SLCO3A1: variants seen among roughly 807,000 people sequenced by gnomAD.
SLCO3A1 encodes solute carrier organic anion transporter family member 3A1.
Under a neutral mutation model 63.1 loss-of-function variants are expected in SLCO3A1, and 27 were observed. The ratio of observed to expected loss-of-function variants is 0.43; its 90% CI spans 0.32 to 0.59. The LOEUF is 0.59. SLCO3A1 is among the 20% of genes least tolerant of loss of function. The pLI is 0.09. For missense variants in SLCO3A1, 773 were observed against 945.8 expected, an observed-to-expected ratio of 0.82 and a Z score of 2.40; for synonymous variants, 473 against 409.9, an observed-to-expected ratio of 1.15 and a Z score of -1.86.
Position 91,872,741 on chromosome 15 carries a change from C to T in SLCO3A1, c.180+18653C>T, listed in dbSNP as rs1384233678. On this transcript the variant is annotated intron_variant, in intron 1 of 9. Coordinates refer to ENST00000318445, the MANE Select transcript of SLCO3A1 (RefSeq NM_013272.4). The surrounding 1 kb of genome is among the most constrained non-coding windows in gnomAD (Gnocchi z 4.1). ...TAACATGTTACCACCTGTGAGAGAACACTGTTCTCACTCTCTCTTTTAAAC... is the reference window on the plus strand; with the variant it reads ...TAACATGTTACCACCTGTGAGAGAATACTGTTCTCACTCTCTCTTTTAAAC... Among the ~76,000 whole-genome samples, 1 of 152,166 alleles carries T rather than the reference C, an allele frequency of 6.6e-6. No individual in the cohort carries two copies. Among genetic ancestry groups the T allele is most frequent in the Non-Finnish European group, 1.5e-5 (1 of 68,044 alleles).
chr15:92,116,696 G>A (rs1158714636), intron 4 of SLCO3A1, among the ~76,000 whole-genome samples: 2 of 152,336 alleles, frequency 1.3e-5, no homozygotes, highest in East Asian at 3.9e-4. Context: ...CACAGGGTTG[G>A]CCCTAGGAGC....
chr15:92,106,852 C>T (rs574422979), intron 4 of SLCO3A1, among the ~76,000 whole-genome samples: 100 of 152,266 alleles, frequency 6.6e-4, no homozygotes, highest in African/African-American at 2.0e-3. Context: ...AAAGGGTCAG[C>T]GGCAGAGCTG....
At chr15:91,926,584 T>TGTGTGTGTGC (rs1899024309) in intron 2 of SLCO3A1, among the ~76,000 whole-genome samples, 1 of 103,508 alleles carries the variant, frequency 9.7e-6, no homozygotes, top group African/African-American at 4.2e-5. Flanking sequence ...TGTGTGTGTG[T>TGTGTGTGTGC]GTGTGTGTGT....
intron 2 of SLCO3A1, among the ~76,000 whole-genome samples, chr15:92,067,910 G>A (rs866649273): frequency 6.6e-5 from 10 of 152,118 alleles, no homozygotes; most frequent in Admixed American, 5.9e-4. Context: ...ATTCATAGAC[G>A]GCCACCTTCT....
intron 1 of SLCO3A1, among the ~76,000 whole-genome samples, chr15:91,902,739 C>T (rs4294799): frequency 0.044 from 6,706 of 152,040 alleles, 515 homozygotes; most frequent in African/African-American, 0.15. Context: ...CCATTCTAGC[C>T]CCACTGCCTT....
chr15:91,966,824 A>G (rs927465796), intron 2 of SLCO3A1, among the ~76,000 whole-genome samples: 4 of 152,218 alleles, frequency 2.6e-5, no homozygotes, highest in Admixed American at 2.6e-4. Flanking sequence ...GGTGATTTCA[A>G]CTTGAAGCAG....
chr15:92,164,223 C>G lies in SLCO3A1; in HGVS notation c.*1088C>G, dbSNP rs1160915674. 4 of 984,564 alleles carry G rather than the reference C, an allele frequency of 4.1e-6. No individual in the cohort carries two copies. In the African/African-American group the frequency reaches 7.0e-5, roughly 17 times the overall value. 61.0% of individuals were successfully genotyped at this position (984,564 alleles called of 1,614,324 possible). On this transcript the variant is annotated 3_prime_UTR_variant, in exon 10 of 10. Transcript: ENST00000318445. The stretch of plus-strand genomic sequence containing the variant: ...TTTAATGCACCAAAAATATGTGATA[C>G]AAGGGATGCAATTAACCTATTGTAA...
At chr15:92,028,908 A>AGTGTGGGTGTGTGTGTGTGTGTGTGT (rs2046610071) in intron 2 of SLCO3A1, among the ~76,000 whole-genome samples, 1 of 120,072 alleles carries the variant, frequency 8.3e-6, no homozygotes, top group Admixed American at 8.6e-5. Context: ...TGCAGGCACA[A>AGTGTGGGTGTGTGTGTGTGTGTGTGT]GTGTGTGTGT....
intron 2 of SLCO3A1, among the ~76,000 whole-genome samples, chr15:91,928,215 A>G (rs1040961756): frequency 3.3e-5 from 5 of 152,244 alleles, no homozygotes; most frequent in African/African-American, 1.2e-4. Context: ...GTGAGTTTGA[A>G]TAGTGACCAT....
At chr15:92,131,301 T>C (rs922581040) in intron 7 of SLCO3A1, among the ~76,000 whole-genome samples, 7 of 151,724 alleles carry the variant, frequency 4.6e-5, no homozygotes, top group African/African-American at 9.7e-5. Flanking sequence ...GAGACATTTA[T>C]TTGGCCTTTA....
intron 2 of SLCO3A1, among the ~76,000 whole-genome samples, chr15:92,088,591 T>A (rs2047433744): frequency 6.6e-6 from 1 of 152,202 alleles, no homozygotes; most frequent in Admixed American, 6.5e-5. Flanking sequence ...CCTACTGGGC[T>A]ACAATCAAGG....
intron 2 of SLCO3A1, among the ~76,000 whole-genome samples, chr15:92,092,240 T>A (rs2047486700): frequency 6.6e-6 from 1 of 152,170 alleles, no homozygotes; most frequent in Admixed American, 6.5e-5. Context: ...CCAAGGATGC[T>A]GAAGGCTTGG....
intron 5 of SLCO3A1, among the ~76,000 whole-genome samples, chr15:92,121,109 A>C (rs1313685333): frequency 1.3e-5 from 2 of 152,224 alleles, no homozygotes; most frequent in Non-Finnish European, 2.9e-5. Context: ...AAGGTCAGGC[A>C]TGGCTTTACA....
chr15:92,080,186 A>G (rs927335595), intron 2 of SLCO3A1, among the ~76,000 whole-genome samples: 15 of 152,306 alleles, frequency 9.8e-5, no homozygotes, highest in Admixed American at 9.1e-4. Context: ...TTTGTGGGAT[A>G]TCGTTATACA....
intron 2 of SLCO3A1, among the ~76,000 whole-genome samples, chr15:92,078,355 C>T (rs1194983874): frequency 1.3e-5 from 2 of 152,194 alleles, no homozygotes; most frequent in African/African-American, 4.8e-5. Context: ...TCCACAGCAG[C>T]ACTCCATAGC....
chr15:92,102,022 T>C (rs1003200204), intron 3 of SLCO3A1, among the ~76,000 whole-genome samples: 6 of 152,166 alleles, frequency 3.9e-5, no homozygotes, highest in African/African-American at 1.4e-4. Flanking sequence ...ACTTCCTAAC[T>C]AAAATATGAC....
At chr15:92,101,802 C>T (rs751463987) in intron 3 of SLCO3A1, among the ~76,000 whole-genome samples, 3 of 152,228 alleles carry the variant, frequency 2.0e-5, no homozygotes, top group Non-Finnish European at 4.4e-5. Flanking sequence ...GCCCCGTCTC[C>T]TGTACTTGCC....
chr15:92,106,839 A>AG (rs768359019), intron 4 of SLCO3A1, among the ~76,000 whole-genome samples: 4 of 152,178 alleles, frequency 2.6e-5, no homozygotes, highest in Non-Finnish European at 5.9e-5. Context: ...GTCACGGGTG[A>AG]GGAAAGGGTC....
chr15:91,993,750 C>T (rs1196524930), intron 2 of SLCO3A1, among the ~76,000 whole-genome samples: 1 of 152,134 alleles, frequency 6.6e-6, no homozygotes. Context: ...CCTGTATAAC[C>T]AATAAGATAA....
Sources: gnomAD v4.1 joint callset for allele counts (sites outside exome capture counted in the v4.1 genomes callset) on GRCh38, gnomAD v4.1.1 for gene constraint, Gnocchi (gnomAD v3.1) non-coding constraint, MANE v1.5 for transcripts, NCBI Gene and HGNC (gene_info 2026-07-23, HGNC 2026-07-21) for gene names.